SPAG17: variants seen among roughly 807,000 people sequenced by gnomAD.
SPAG17 encodes the protein sperm-associated antigen 17.
Under a neutral mutation model 273.6 loss-of-function variants are expected in SPAG17, and 169 were observed. The observed-to-expected ratio is 0.62, with a 90% confidence interval of 0.55 to 0.70. The LOEUF is 0.70. Among genes scored for constraint, SPAG17 ranks in the 30% least tolerant of loss-of-function variants. The pLI, the probability that SPAG17 is intolerant of heterozygous loss-of-function variation, is 0.00. For synonymous variants in SPAG17, 825 were observed against 873.2 expected, an observed-to-expected ratio of 0.94 and a Z score of 0.97; for missense variants, 2,557 against 2,627.8, an observed-to-expected ratio of 0.97 and a Z score of 0.59.
intron 1 of SPAG17, 109 bp downstream of exon 1, chr1:118,184,962 A>G (rs1661117632): frequency 2.2e-6 from 2 of 916,394 alleles, no homozygotes; most frequent in South Asian, 1.5e-5. Context: ...CCATCAGGCC[A>G]CGGAGAGATA....
intron 4 of SPAG17, among the ~76,000 whole-genome samples, chr1:118,103,375 T>C (rs1167703437): frequency 6.6e-6 from 1 of 152,198 alleles, no homozygotes; most frequent in East Asian, 1.9e-4. Flanking sequence ...TATGGGATGC[T>C]GGTATTCATC....
chr1:118,155,279 G>T (rs1324534813), intron 1 of SPAG17, among the ~76,000 whole-genome samples: 1 of 152,134 alleles, frequency 6.6e-6, no homozygotes, highest in Non-Finnish European at 1.5e-5. Context: ...AGAGAAACTG[G>T]CTGTCTCATA....
rs116474244 is a variant in SPAG17 at position 117,966,965 on chromosome 1, A to T, written c.6388-212T>A. 6.9e-3 allele frequency among the ~76,000 whole-genome samples: 1,044 copies of T among 152,204 alleles called. 8 individuals are homozygous for T. The highest frequency in any genetic ancestry group is 0.024 in the African/African-American group (999 of 41,526). On this transcript the variant is annotated intron_variant, in intron 46 of 48. Transcript: ENST00000336338. ...CATTAAGTAAAGGGGAGCCAGGGTA[A>T]ATTGTTGAAGGGGCAAACCAGGTGC...
intron 48 of SPAG17, chr1:117,961,133 A>T (rs756730733): frequency 4.6e-5 from 7 of 152,158 alleles, no homozygotes; most frequent in African/African-American, 7.2e-5. Flanking sequence ...AATACAAAAA[A>T]CTAGCTGGGC....
At chr1:118,136,821 G>A (rs911353374) in intron 3 of SPAG17, among the ~76,000 whole-genome samples, 8 of 151,966 alleles carry the variant, frequency 5.3e-5, no homozygotes, top group African/African-American at 1.7e-4. Flanking sequence ...GTGTGTGTGT[G>A]TGTGTGTGTG....
intron 39 of SPAG17, 59 bp from the exon 40 acceptor site, chr1:117,987,940 A>C: frequency 6.3e-7 from 1 of 1,581,106 alleles, no homozygotes; most frequent in Non-Finnish European, 8.7e-7. Flanking sequence ...CTTAAAAACA[A>C]AACCAAAAAC....
intron 28 of SPAG17, among the ~76,000 whole-genome samples, chr1:118,022,431 C>CAAA (rs2101835840): frequency 1.3e-5 from 1 of 78,940 alleles, no homozygotes; most frequent in South Asian, 4.3e-4. Flanking sequence ...CAAAATGAAA[C>CAAA]AAAACAAACA....
At chr1:118,071,407 T>G (rs1653570113) in intron 17 of SPAG17, among the ~76,000 whole-genome samples, 1 of 152,112 alleles carries the variant, frequency 6.6e-6, no homozygotes, top group African/African-American at 2.4e-5. Context: ...GCCGGCACTT[T>G]GGGAGGCCAA....
At position 117,996,138 on chromosome 1, in the gene SPAG17, G is replaced by A. The variant is rs140333997; in HGVS notation, c.5053+232C>T. ...AGGAGAAGAGGGATACATACTCAGC[G>A]TATGCAGACTGGTGCTCAGATGTAT... On this transcript the variant is annotated intron_variant, in intron 34 of 48. Coordinates refer to ENST00000336338, the MANE Select transcript of SPAG17 (RefSeq NM_206996.4). Among the ~76,000 whole-genome samples, 236 of 152,146 alleles carry A rather than the reference G, an allele frequency of 1.6e-3. 2 individuals carry two copies. Among genetic ancestry groups the A allele is most frequent in the African/African-American group, 5.3e-3 (219 of 41,524 alleles).
chr1:118,047,173 T>C (rs191626070), intron 20 of SPAG17, among the ~76,000 whole-genome samples: 2 of 152,118 alleles, frequency 1.3e-5, no homozygotes, highest in Non-Finnish European at 2.9e-5. Context: ...ATGCTGATCT[T>C]GTCTACACCT....
chr1:117,987,728 A>C, intron 40 of SPAG17, 106 bp downstream of exon 40: 1 of 1,104,358 alleles, frequency 9.1e-7, no homozygotes, highest in Non-Finnish European at 1.3e-6. Context: ...GCAGAAGAGA[A>C]TCAAATAACA....
At chr1:117,960,256 A>G (rs1483895935) in intron 48 of SPAG17, 2 of 152,022 alleles carry the variant, frequency 1.3e-5, no homozygotes, top group Non-Finnish European at 2.9e-5. Context: ...ATCTGCATAT[A>G]ACTTTTGATT....
rs1656088463 is a variant in SPAG17 at position 118,101,826 on chromosome 1, T to C, written c.548A>G (p.Lys183Arg). 1 of 1,614,026 alleles carries C rather than the reference T, an allele frequency of 6.2e-7. No individual in the cohort carries two copies. The highest frequency in any genetic ancestry group is 1.1e-5 in the South Asian group (1 of 91,082). The change falls in exon 5 of 49, where the codon AAG becomes AGG. Residue 183 changes from lysine to arginine, a missense_variant. By Grantham distance (26) the Lys-to-Arg change is conservative (BLOSUM62 2). Transcript: ENST00000336338. ...TGGTGCATTTGCCTCAGGCTGATCC[T>C]TTCCCTTTCCTTTGGCAGGCTTGGC... ...PSAKPAKGKG[K>R]DQPEANAPVK...
chr1:118,097,716 A>C lies in SPAG17; in HGVS notation c.965T>G (p.Val322Gly). The change falls in exon 7 of 49, where the codon GTC (valine) becomes GGC (glycine). Residue 322 changes from valine (V) to glycine (G), a missense_variant. Coordinates refer to ENST00000336338, the MANE Select transcript of SPAG17 (RefSeq NM_206996.4). ...LFDVARLEYM[V>G]KAADFPSDWS... ...GTCAGAAGGAAAATCAGCTGCTTTG[A>C]CCATGTACTCAAGTCGAGCAACATC... is the stretch of plus-strand genomic sequence containing the variant. The C allele has an allele frequency of 1.9e-6, 3 of 1,610,608 alleles. No homozygotes were observed. The Middle Eastern group carries it at 5.0e-4, about 266-fold the overall frequency.
At chr1:118,142,081 C>T (rs1441312189) in intron 3 of SPAG17, among the ~76,000 whole-genome samples, 1 of 151,026 alleles carries the variant, frequency 6.6e-6, no homozygotes, top group African/African-American at 2.4e-5. Context: ...GGAAGCAACC[C>T]ACGTGTCCAC....
intron 23 of SPAG17, among the ~76,000 whole-genome samples, 194 bp from the exon 24 acceptor site, chr1:118,037,077 T>C (rs568114649): frequency 2.0e-4 from 30 of 152,094 alleles, no homozygotes; most frequent in Non-Finnish European, 3.5e-4. Flanking sequence ...AATATGAAAC[T>C]CTTGTTTTAG....
rs143305015 is a variant in SPAG17, at chr1:118,016,005, G to A, written c.4247C>T (p.Pro1416Leu). The A allele has an allele frequency of 6.2e-7, 1 of 1,613,880 alleles. No homozygotes were observed. Among genetic ancestry groups the A allele is most frequent in the African/African-American group, 1.3e-5 (1 of 74,902 alleles). The change falls in exon 29 of 49, where the codon CCA becomes CTA. Residue 1416 changes from proline (P) to leucine (L), a missense_variant. By Grantham distance (98) the Pro-to-Leu change is moderately conservative (BLOSUM62 -3). Coordinates refer to ENST00000336338, the MANE Select transcript of SPAG17 (RefSeq NM_206996.4). Reference protein sequence around the residue: ...KGLERIADLTPLLSFQATDPV... With the variant: ...KGLERIADLTLLLSFQATDPV... Reference sequence around the variant, plus strand: ...ATCTGTGGCCTGAAAGGATAACAATGGGGTCAAGTCTGCTATTCTTTCTAA... The same window carrying A: ...ATCTGTGGCCTGAAAGGATAACAATAGGGTCAAGTCTGCTATTCTTTCTAA...
At position 118,168,590 on chromosome 1, in the gene SPAG17, C is replaced by A. The variant is rs933298602; in HGVS notation, c.87+16481G>T. ...TATCACTATCAGGTGCTATAGCCAG[C>A]AAGGAGAGAATTCAAAATTCTAAAC... On this transcript the variant is annotated intron_variant, in intron 1 of 48. Coordinates refer to ENST00000336338, the MANE Select transcript of SPAG17 (RefSeq NM_206996.4). Among the ~76,000 whole-genome samples, 11 of 152,190 alleles carry A rather than the reference C, an allele frequency of 7.2e-5. No individual in the cohort carries two copies. In the East Asian group the frequency reaches 1.7e-3, roughly 24 times the overall value.
chr1:117,981,351 G>A lies in SPAG17; in HGVS notation c.5923C>T (p.Leu1975Phe), dbSNP rs753524545. 1.2e-6 allele frequency: 2 copies of A among 1,601,852 alleles called. No homozygotes were observed. Among genetic ancestry groups the A allele is most frequent in the South Asian group, 2.3e-5 (2 of 87,932 alleles). The change falls in exon 43 of 49, where the codon CTT (leucine) becomes TTT (phenylalanine). Residue 1975 changes from leucine (L) to phenylalanine (F), a missense_variant. Leu to Phe is a conservative substitution (Grantham distance 22, BLOSUM62 0). Coordinates refer to ENST00000336338, the MANE Select transcript of SPAG17 (RefSeq NM_206996.4). ...TCTGCAGAAATCTCTGGTTTTGGAAGACTAGGCACACTTGAGGATTTCTGT... is the reference window on the plus strand; with the variant it reads ...TCTGCAGAAATCTCTGGTTTTGGAAAACTAGGCACACTTGAGGATTTCTGT... ...SEQKSSSVPS[L>F]PKPEISADKK... is the part of the protein sequence containing the mutation.
Sources: allele counts gnomAD v4.1 joint callset (sites outside exome capture counted in the v4.1 genomes callset), GRCh38; gene constraint gnomAD v4.1.1; transcripts MANE v1.5; gene names NCBI Gene and HGNC (gene_info 2026-07-23, HGNC 2026-07-21).